EHBP1: variants seen among roughly 807,000 people sequenced by gnomAD.
The protein encoded by EHBP1 is EH domain-binding protein 1.
A neutral mutation model predicts 144.0 loss-of-function variants in EHBP1; 55 were observed. The ratio of observed to expected loss-of-function variants is 0.38; its 90% CI spans 0.31 to 0.48. The LOEUF (loss-of-function observed/expected upper bound fraction) is 0.48, where lower values mean the gene tolerates loss of function less well. Among genes scored for constraint, EHBP1 ranks in the 20% least tolerant of loss-of-function variants. EHBP1 has a pLI of 0.98. For synonymous variants in EHBP1, 469 were observed against 472.7 expected, an observed-to-expected ratio of 0.99 and a Z score of 0.10; for missense variants, 1,200 against 1,364.2, an observed-to-expected ratio of 0.88 and a Z score of 1.90.
chr2:62,997,574 A>G (rs1301922525), intron 19 of EHBP1, among the ~76,000 whole-genome samples: 1 of 152,044 alleles, frequency 6.6e-6, no homozygotes, highest in African/African-American at 2.4e-5. Context: ...AAAAAATACA[A>G]GTGGAAAATT....
chr2:62,710,325 A>G (rs1045099323), intron 2 of EHBP1, among the ~76,000 whole-genome samples: 1 of 151,964 alleles, frequency 6.6e-6, no homozygotes, highest in Non-Finnish European at 1.5e-5. Context: ...ATGAATACGT[A>G]TTATATTTTG....
At chr2:62,692,300 T>C (rs1452395121) in intron 1 of EHBP1, among the ~76,000 whole-genome samples, 2 of 152,230 alleles carry the variant, frequency 1.3e-5, no homozygotes, top group Non-Finnish European at 2.9e-5. Flanking sequence ...TTGGGTTTCT[T>C]CCACTATTTG....
chr2:62,874,210 TCCAAATTC>T, intron 9 of EHBP1, 128 bp from the exon 10 acceptor site: 2 of 590,158 alleles, frequency 3.4e-6, no homozygotes, highest in Non-Finnish European at 5.7e-6. Flanking sequence ...AGTCATTATT[TCCAAATTC>T]CAGGTTATCA....
chr2:63,023,003 A>G (rs773158291), intron 19 of EHBP1, among the ~76,000 whole-genome samples: 3 of 152,016 alleles, frequency 2.0e-5, no homozygotes, highest in East Asian at 1.9e-4. Flanking sequence ...TCAGAACCCT[A>G]TCTCTACTAA....
Position 63,045,283 on chromosome 2 carries a change from T to G in EHBP1, c.3392+103T>G. 5 of 1,371,082 alleles carry G rather than the reference T, an allele frequency of 3.6e-6. No individual in the cohort carries two copies. Among genetic ancestry groups the G allele is most frequent in the Middle Eastern group, 1.8e-4 (1 of 5,430 alleles). The allele number at this position is 1,371,082 out of a possible 1,614,324, so 84.9% of individuals were successfully genotyped here. A position where few individuals can be genotyped will look rare whatever the true frequency, so the allele number is the denominator to read the frequency against. ...AGGTCGCGGGAGGGCCGGGGCAGCC[T>G]CCCACTGGCCTGGTGCTCCCCATTC... is the stretch of plus-strand genomic sequence containing the variant. On this transcript the variant is annotated intron_variant, in intron 22 of 22. Coordinates refer to ENST00000431489, the MANE Select transcript of EHBP1 (RefSeq NM_001142616.3). This position sits in a 1 kb window ranked among gnomAD's most constrained non-coding sequence, Gnocchi z 5.7.
chr2:62,849,253 G>A (rs1364133694), intron 7 of EHBP1, among the ~76,000 whole-genome samples: 2 of 152,036 alleles, frequency 1.3e-5, no homozygotes, highest in Non-Finnish European at 2.9e-5. Context: ...TGTGCCCTGA[G>A]ACTGCATTGC....
intron 10 of EHBP1, among the ~76,000 whole-genome samples, chr2:62,906,307 T>G (rs2053807090): frequency 6.6e-6 from 1 of 152,342 alleles, no homozygotes; most frequent in Non-Finnish European, 1.5e-5. Context: ...CCCAGTGATC[T>G]GTTTGTCTAT....
chr2:62,801,269 G>A (rs958596193), intron 5 of EHBP1, among the ~76,000 whole-genome samples: 2 of 152,188 alleles, frequency 1.3e-5, no homozygotes, highest in African/African-American at 2.4e-5. Flanking sequence ...ACTTGTGGTC[G>A]CTGCTTCTGG....
At chr2:63,027,871 G>A (rs546573088) in intron 19 of EHBP1, among the ~76,000 whole-genome samples, 1 of 152,274 alleles carries the variant, frequency 6.6e-6, no homozygotes, top group Middle Eastern at 3.4e-3. Flanking sequence ...CAGTTCGATA[G>A]GAGGAATACG....
At chr2:62,999,993 T>C (rs1194497942) in intron 19 of EHBP1, among the ~76,000 whole-genome samples, 1 of 152,200 alleles carries the variant, frequency 6.6e-6, no homozygotes, top group Non-Finnish European at 1.5e-5. Flanking sequence ...AACTAAATAA[T>C]ACTAATAGTT....
At chr2:62,929,423 A>G (rs1161719517) in intron 10 of EHBP1, among the ~76,000 whole-genome samples, 2 of 152,238 alleles carry the variant, frequency 1.3e-5, no homozygotes, top group African/African-American at 2.4e-5. Flanking sequence ...ATGATTAGAC[A>G]TATGTAATCA....
intron 2 of EHBP1, among the ~76,000 whole-genome samples, chr2:62,740,235 TTTTA>T (rs2038574963): frequency 6.6e-6 from 1 of 152,200 alleles, no homozygotes; most frequent in Non-Finnish European, 1.5e-5. Flanking sequence ...AACAAAGTAT[TTTTA>T]TTTAACTGAC....
At chr2:62,924,334 C>G (rs1287821255) in intron 10 of EHBP1, among the ~76,000 whole-genome samples, 1 of 151,962 alleles carries the variant, frequency 6.6e-6, no homozygotes, top group African/African-American at 2.4e-5. Flanking sequence ...AAAGCAAGAG[C>G]AAACCAAAAC....
At chr2:63,024,599 C>G (rs1210463904) in intron 19 of EHBP1, among the ~76,000 whole-genome samples, 1 of 49,534 alleles carries the variant, frequency 2.0e-5, no homozygotes, top group East Asian at 4.6e-4. Context: ...AAGACCCTGT[C>G]TCAAAAAAAA....
chr2:62,903,525 G>A (rs929743826), intron 10 of EHBP1, among the ~76,000 whole-genome samples: 12 of 152,192 alleles, frequency 7.9e-5, no homozygotes, highest in Non-Finnish European at 1.8e-4. Context: ...CACTTTGGAA[G>A]GCCGAGGTGG....
intron 5 of EHBP1, among the ~76,000 whole-genome samples, chr2:62,798,371 A>G (rs2043711236): frequency 1.3e-5 from 2 of 152,224 alleles, no homozygotes; most frequent in South Asian, 4.1e-4. Context: ...CCGTCAAAAA[A>G]AAAAAAAGAA....
intron 9 of EHBP1, among the ~76,000 whole-genome samples, chr2:62,868,318 A>T (rs1423074492): frequency 6.6e-6 from 1 of 152,132 alleles, no homozygotes; most frequent in Non-Finnish European, 1.5e-5. Flanking sequence ...AGTGGAGGTT[A>T]CAGTGAGCCA....
At chr2:62,990,912 C>T in intron 16 of EHBP1, 72 bp downstream of exon 16, 1 of 1,500,670 alleles carries the variant, frequency 6.7e-7, no homozygotes, top group Non-Finnish European at 8.9e-7. Flanking sequence ...GTTTGTAATT[C>T]CAAAAACAAT....
intron 5 of EHBP1, among the ~76,000 whole-genome samples, chr2:62,783,577 CCAAGG>C (rs2042601952): frequency 6.6e-6 from 1 of 152,260 alleles, no homozygotes; most frequent in African/African-American, 2.4e-5. Context: ...GTAGAAGCTG[CCAAGG>C]CTTGGGGCTT....
Sources: gnomAD v4.1 joint callset for allele counts (sites outside exome capture counted in the v4.1 genomes callset) on GRCh38, gnomAD v4.1.1 for gene constraint, Gnocchi (gnomAD v3.1) non-coding constraint, MANE v1.5 for transcripts, NCBI Gene and HGNC (gene_info 2026-07-23, HGNC 2026-07-21) for gene names.